Variants in ZKSCAN4 observed in about 807,000 individuals in gnomAD.
The protein encoded by ZKSCAN4 is zinc finger with KRAB and SCAN domains 4, also known as zinc finger protein with KRAB and SCAN domains 4.
Under a neutral mutation model 30.8 loss-of-function variants are expected in ZKSCAN4, and 23 were observed. The ratio of observed to expected loss-of-function variants is 0.75; its 90% CI spans 0.54 to 1.06. The LOEUF is 1.06. ZKSCAN4 is among the 50% of genes least tolerant of loss of function. The pLI is 0.00. For missense variants in ZKSCAN4, 556 were observed against 665.4 expected, an observed-to-expected ratio of 0.84 and a Z score of 1.81; for synonymous variants, 208 against 252.5, an observed-to-expected ratio of 0.82 and a Z score of 1.67.
Position 28,245,857 on chromosome 6 carries a change from T to C in ZKSCAN4, c.897A>G (p.Glu299=). Residue 299 remains glutamate (E), a synonymous_variant, in exon 5 of 5, where the codon GAA becomes GAG. Transcript: ENST00000377294. ...EDIAQIPTHA[E]AGEQEGRLQR... Reference sequence around the variant, plus strand: ...GTAACCTGCCCTCCTGTTCACCAGCTTCTGCATGTGTAGGAATCTGGGCAA... The same window carrying C: ...GTAACCTGCCCTCCTGTTCACCAGCCTCTGCATGTGTAGGAATCTGGGCAA... 6.2e-7 allele frequency: 1 copy of C among 1,614,216 alleles called. No homozygotes were observed. Among genetic ancestry groups the C allele is most frequent in the East Asian group, 2.2e-5 (1 of 44,874 alleles).
chr6:28,249,341 C>T lies in ZKSCAN4; in HGVS notation c.571+346G>A, dbSNP rs187337527. Reference sequence around the variant, plus strand: ...ATCCTCCCTGCTAGAATGTAAGCTCCATCAAAGCAAGAATTCTGTCTTATT... The same window carrying T: ...ATCCTCCCTGCTAGAATGTAAGCTCTATCAAAGCAAGAATTCTGTCTTATT... On this transcript the variant is annotated intron_variant, in intron 2 of 4. Coordinates refer to ENST00000377294, the MANE Select transcript of ZKSCAN4 (RefSeq NM_019110.5). This position sits in a 1 kb window ranked among gnomAD's most constrained non-coding sequence, Gnocchi z 4.1. Among the ~76,000 whole-genome samples, 57 of 152,246 alleles carry T rather than the reference C, an allele frequency of 3.7e-4. No homozygotes were observed. Among genetic ancestry groups the T allele is most frequent in the Admixed American group, 9.2e-4 (14 of 15,294 alleles).
chr6:28,251,550 C>T lies in ZKSCAN4; in HGVS notation c.423+8G>A. The T allele has an allele frequency of 6.2e-7, 1 of 1,614,168 alleles. No individual in the cohort carries two copies. The highest frequency in any genetic ancestry group is 8.5e-7 in the Non-Finnish European group (1 of 1,180,026). ...ACAGCGCTCAGATACTAAACCTGTT[C>T]TTTCTACCTGCGGCGCCGGCTCATC... On this transcript the variant is annotated splice_region_variant and intron_variant, in intron 1 of 4. Coordinates refer to ENST00000377294, the MANE Select transcript of ZKSCAN4 (RefSeq NM_019110.5). This position sits in a 1 kb window ranked among gnomAD's most constrained non-coding sequence, Gnocchi z 4.5.
At position 28,245,593 on chromosome 6, in the gene ZKSCAN4, G is replaced by A. The variant is rs768303809; in HGVS notation, c.1161C>T (p.His387=). The A allele has an allele frequency of 6.2e-7, 1 of 1,613,958 alleles. No individual in the cohort carries two copies. Among genetic ancestry groups the A allele is most frequent in the African/African-American group, 1.3e-5 (1 of 74,884 alleles). The change falls in exon 5 of 5, where the codon CAC becomes CAT. Residue 387 remains histidine (H), a synonymous_variant. Coordinates refer to ENST00000377294, the MANE Select transcript of ZKSCAN4 (RefSeq NM_019110.5). ...ECEECGKVFS[H]SSNLIKHQRT... ...TCTGGTGTTTGATAAGGTTTGAGCT[G>A]TGACTGAAGACCTTACCACATTCTT...
chr6:28,253,375 T>C (rs1447426486), upstream of ZKSCAN4, among the ~76,000 whole-genome samples: 1 of 152,188 alleles, frequency 6.6e-6, no homozygotes, highest in East Asian at 1.9e-4. The surrounding 1 kb of genome is among the most constrained non-coding windows in gnomAD (Gnocchi z 4.2). Context: ...GCCTCTACAT[T>C]CCAAGGATTA....
chr6:28,242,176 G>T lies in ZKSCAN4; in HGVS notation c.*2940C>A, dbSNP rs1760520124. Among the ~76,000 whole-genome samples, 1 of 152,100 alleles carries T rather than the reference G, an allele frequency of 6.6e-6. No individual in the cohort carries two copies. The highest frequency in any genetic ancestry group is 1.5e-5 in the Non-Finnish European group (1 of 67,994). The stretch of plus-strand genomic sequence containing the variant: ...AAAGCAATTTAAGAAAATATGAAAA[G>T]TGGCATTTTATTGTGCTTTATATAC... On this transcript the variant is annotated 3_prime_UTR_variant, in exon 5 of 5. Transcript: ENST00000377294.
chr6:28,245,404 A>C lies in ZKSCAN4; in HGVS notation c.1350T>G (p.His450Gln). ...CATTTTTATCACCATGAATCCTCTG[A>C]TGTCTCAGGAGATGTGAATTCCGCC... ...AFRRNSHLLRHQRIHGDKNVQ... is the reference protein window; with the variant it reads ...AFRRNSHLLRQQRIHGDKNVQ... The change falls in exon 5 of 5, where the codon CAT becomes CAG. Residue 450 changes from histidine (H) to glutamine (Q), a missense_variant. Physicochemically the swap from His to Gln is conservative, Grantham distance 24. Transcript: ENST00000377294. The C allele has an allele frequency of 1.2e-6, 2 of 1,614,196 alleles. No individual in the cohort carries two copies. The highest frequency in any genetic ancestry group is 1.7e-6 in the Non-Finnish European group (2 of 1,180,038).
Position 28,249,374 on chromosome 6 carries a change from C to G in ZKSCAN4, c.571+313G>C, listed in dbSNP as rs191416364. ...CAAGAATTCTGTCTTATTGGTGGCTCTCTCCCCAGTGCCTACAACACTGGC... is the reference window on the plus strand; with the variant it reads ...CAAGAATTCTGTCTTATTGGTGGCTGTCTCCCCAGTGCCTACAACACTGGC... On this transcript the variant is annotated intron_variant, in intron 2 of 4. Transcript: ENST00000377294. This position sits in a 1 kb window ranked among gnomAD's most constrained non-coding sequence, Gnocchi z 4.1. Among the ~76,000 whole-genome samples, 2 of 152,290 alleles carry G rather than the reference C, an allele frequency of 1.3e-5. No homozygotes were observed. The highest frequency in any genetic ancestry group is 1.3e-4 in the Admixed American group (2 of 15,306).
Position 28,243,676 on chromosome 6 carries a change from T to TC in ZKSCAN4, c.*1439dup, listed in dbSNP as rs1352009031. On this transcript the variant is annotated 3_prime_UTR_variant, in exon 5 of 5. Transcript: ENST00000377294. Reference sequence around the variant, plus strand: ...CACATTTTCTTTTCTTTTTTTTTTTTCTTTTTGAGACAGAGTCTCACTCTG... The same window carrying TC: ...CACATTTTCTTTTCTTTTTTTTTTTTCCTTTTTGAGACAGAGTCTCACTCTG... 4.0e-5 allele frequency among the ~76,000 whole-genome samples: 6 copies of TC among 151,786 alleles called. No homozygotes were observed. The East Asian group carries it at 1.2e-3, about 29-fold the overall frequency.
chr6:28,245,856 C>T lies in ZKSCAN4; in HGVS notation c.898G>A (p.Ala300Thr). Residue 300 changes from alanine (A) to threonine (T), a missense_variant, in exon 5 of 5, where the codon GCT becomes ACT. Ala to Thr is a moderately conservative substitution (Grantham distance 58). Transcript: ENST00000377294. ...TGTAACCTGCCCTCCTGTTCACCAG[C>T]TTCTGCATGTGTAGGAATCTGGGCA... ...DIAQIPTHAEAGEQEGRLQRK... is the reference protein window; with the variant it reads ...DIAQIPTHAETGEQEGRLQRK... The T allele has an allele frequency of 6.2e-7, 1 of 1,614,214 alleles. No homozygotes were observed. Among genetic ancestry groups the T allele is most frequent in the Non-Finnish European group, 8.5e-7 (1 of 1,180,032 alleles).
intron 4 of ZKSCAN4, 34 bp downstream of exon 4, chr6:28,246,935 G>T (rs748544532): frequency 3.2e-6 from 5 of 1,585,024 alleles, no homozygotes; most frequent in Admixed American, 1.8e-5. Context: ...AGAATGCCAA[G>T]AAATCTTAAG....
Position 28,251,392 on chromosome 6 carries a change from ATAATTCTGAGAAG to A in ZKSCAN4, c.423+153_423+165del. On this transcript the variant is annotated intron_variant, in intron 1 of 4. Transcript: ENST00000377294. The surrounding 1 kb of genome is among the most constrained non-coding windows in gnomAD (Gnocchi z 4.5). The stretch of plus-strand genomic sequence containing the variant: ...ATAGTTTCTTTATATATTTAAAAAT[ATAATTCTGAGAAG>A]GAGTCCAGGGACTTCACCTTACTGC... 1 of 1,033,532 alleles carries A rather than the reference ATAATTCTGAGAAG, an allele frequency of 9.7e-7. No homozygotes were observed. The allele number at this position is 1,033,532 out of a possible 1,614,324, so 64.0% of individuals were successfully genotyped here.
chr6:28,245,558 G>T lies in ZKSCAN4; in HGVS notation c.1196C>A (p.Thr399Asn). The T allele has an allele frequency of 6.2e-7, 1 of 1,614,236 alleles. No individual in the cohort carries two copies. Among genetic ancestry groups the T allele is most frequent in the South Asian group, 1.1e-5 (1 of 91,084 alleles). Reference protein sequence around the residue: ...SNLIKHQRTHTGEKPYECDDC... With the variant: ...SNLIKHQRTHNGEKPYECDDC... ...ATCACACTCATAGGGCTTCTCCCCA[G>T]TGTGGGTTCTCTGGTGTTTGATAAG... Residue 399 changes from threonine to asparagine, a missense_variant, in exon 5 of 5, where the codon ACT becomes AAT. Physicochemically the swap from Thr to Asn is moderately conservative, Grantham distance 65. This residue lies in a region of ZKSCAN4 where 433 missense variants were observed against 511.5 expected (regional missense o/e 0.85). Coordinates refer to ENST00000377294, the MANE Select transcript of ZKSCAN4 (RefSeq NM_019110.5).
chr6:28,245,348 T>G lies in ZKSCAN4; in HGVS notation c.1406A>C (p.Glu469Ala). ...VQNPEHGESW[E>A]SQGRTESQWE... ...CTGGCTTTCCGTCCTACCCTGACTT[T>G]CCCAGGACTCCCCGTGCTCAGGATT... Residue 469 changes from glutamate to alanine, a missense_variant, in exon 5 of 5, where the codon GAA becomes GCA. By Grantham distance (107) the Glu-to-Ala change is moderately radical (BLOSUM62 -1). Coordinates refer to ENST00000377294, the MANE Select transcript of ZKSCAN4 (RefSeq NM_019110.5). 2 of 1,614,238 alleles carry G rather than the reference T, an allele frequency of 1.2e-6. No homozygotes were observed. Among genetic ancestry groups the G allele is most frequent in the Non-Finnish European group, 1.7e-6 (2 of 1,180,040 alleles).
rs1760523423 is a variant in ZKSCAN4 at position 28,242,298 on chromosome 6, AT to A, written c.*2817del. 1.3e-5 allele frequency among the ~76,000 whole-genome samples: 2 copies of A among 152,198 alleles called. No individual in the cohort carries two copies. Among genetic ancestry groups the A allele is most frequent in the Admixed American group, 6.5e-5 (1 of 15,286 alleles). On this transcript the variant is annotated 3_prime_UTR_variant, in exon 5 of 5. Coordinates refer to ENST00000377294, the MANE Select transcript of ZKSCAN4 (RefSeq NM_019110.5). The stretch of plus-strand genomic sequence containing the variant: ...CTTTCAATAGGCTACAGATAAACTC[AT>A]TTTATAATTCAGCTATTTATAAACA...
the ZKSCAN4 span, among the ~76,000 whole-genome samples, chr6:28,258,352 C>T: frequency 3.9e-4 from 60 of 152,132 alleles, no homozygotes; most frequent in Non-Finnish European, 7.8e-4. Context: ...TAATGTGTAT[C>T]GAGAAAGTGG....
At chr6:28,247,463 A>C (rs1403843112) in intron 3 of ZKSCAN4, among the ~76,000 whole-genome samples, 1 of 151,266 alleles carries the variant, frequency 6.6e-6, no homozygotes, top group Non-Finnish European at 1.5e-5. Context: ...ATACAATGAA[A>C]TCTAGAACTG....
At chr6:28,247,137 A>AC in intron 3 of ZKSCAN4, 45 bp from the exon 4 acceptor site, 2 of 1,530,790 alleles carry the variant, frequency 1.3e-6, no homozygotes, top group Non-Finnish European at 8.8e-7. Flanking sequence ...GCCCAAAATT[A>AC]CCCCCAAAGC....
At position 28,251,749 on chromosome 6, in the gene ZKSCAN4, A is replaced by G. The variant is rs758710357; in HGVS notation, c.232T>C (p.Cys78Arg). The part of the protein sequence containing the change: ...REALSRLREL[C>R]GQWLQPEMHS... Reference sequence around the variant, plus strand: ...ATCTCAGGCTGCAGCCATTGTCCGCAGAGTTCTCGGAGCCGGCTCAACGCC... The same window carrying G: ...ATCTCAGGCTGCAGCCATTGTCCGCGGAGTTCTCGGAGCCGGCTCAACGCC... The change falls in exon 1 of 5, where the codon TGC becomes CGC. Residue 78 changes from cysteine to arginine, a missense_variant. Cys to Arg is a radical substitution (Grantham distance 180). This residue lies in a region of ZKSCAN4 where 115 missense variants were observed against 125.9 expected (regional missense o/e 0.91). Transcript: ENST00000377294. This position sits in a 1 kb window ranked among gnomAD's most constrained non-coding sequence, Gnocchi z 4.5. 1 of 1,614,218 alleles carries G rather than the reference A, an allele frequency of 6.2e-7. No homozygotes were observed. Among genetic ancestry groups the G allele is most frequent in the Non-Finnish European group, 8.5e-7 (1 of 1,180,038 alleles).
At chr6:28,257,737 C>T in the ZKSCAN4 span, among the ~76,000 whole-genome samples, 1 of 152,218 alleles carries the variant, frequency 6.6e-6, no homozygotes, top group African/African-American at 2.4e-5. Flanking sequence ...ATTGCCAGCC[C>T]CTAGTCTAGG....
Sources: gnomAD v4.1 joint callset for allele counts (sites outside exome capture counted in the v4.1 genomes callset) on GRCh38, gnomAD v4.1.1 for gene constraint, gnomAD v4.1.1 regional missense constraint, Gnocchi (gnomAD v3.1) non-coding constraint, MANE v1.5 for transcripts, NCBI Gene and HGNC (gene_info 2026-07-23, HGNC 2026-07-21) for gene names.